The following PAGE1 variants were observed in gnomAD, a reference collection of about 807,000 sequenced individuals.
The protein encoded by PAGE1 is P antigen family member 1.
A neutral mutation model predicts 11.5 loss-of-function variants in PAGE1; 6 were observed. The ratio of observed to expected loss-of-function variants is 0.52; its 90% CI spans 0.29 to 1.03. The LOEUF is 1.03. PAGE1 is among the 50% of genes least tolerant of loss of function. PAGE1 has a pLI of 0.09. For synonymous variants in PAGE1, 42 were observed against 40.2 expected (o/e 1.05, Z -0.17); for missense variants, 120 against 110.2 (o/e 1.09, Z -0.40).
chrX:49,689,587 T>TACAC (rs1557141579), intron 4 of PAGE1, 44 bp from the exon 5 acceptor site: 4 of 50,333 alleles, frequency 7.9e-5, no homozygotes, highest in African/African-American at 5.7e-4. Context: ...TATATATATA[T>TACAC]ATATATATAT....
chrX:49,690,068 CACATATATATGTGTATATAT>C lies in PAGE1; in HGVS notation c.293-545_293-526del, dbSNP rs1203286124. ...ATATGTGTATATATGTGTATATACA[CACATATATATGTGTATATAT>C]GTGTATATATGTGTATATATACACA... On this transcript the variant is annotated intron_variant, in intron 4 of 5. Transcript: ENST00000376150. 1.3e-4 allele frequency among the ~76,000 whole-genome samples: 8 copies of C among 60,813 alleles called. 1 individual carries two copies. The highest frequency in any genetic ancestry group is 5.2e-4 in the African/African-American group (8 of 15,502). 52.8% of individuals were successfully genotyped at this position (60,813 alleles called of 115,157 possible).
intron 3 of PAGE1, among the ~76,000 whole-genome samples, chrX:49,692,489 T>A (rs2066923948): frequency 9.0e-6 from 1 of 111,506 alleles, no homozygotes; most frequent in Non-Finnish European, 1.9e-5. Flanking sequence ...TATTAACAAT[T>A]GGTGAATCTA....
At chrX:49,694,521 GA>G (rs781990429) in intron 2 of PAGE1, among the ~76,000 whole-genome samples, 186 bp downstream of exon 2, 1,514 of 105,758 alleles carry the variant, frequency 0.014, 27 homozygotes, top group African/African-American at 0.047. Context: ...GAACACAAGA[GA>G]AAAAAAAAAT....
At chrX:49,693,958 A>G (rs2066930062) in intron 3 of PAGE1, 141 bp downstream of exon 3, 4 of 369,072 alleles carry the variant, frequency 1.1e-5, no homozygotes, top group Non-Finnish European at 1.4e-5. Context: ...TTTTCCAGTC[A>G]ATTTCTAGGC....
intron 3 of PAGE1, among the ~76,000 whole-genome samples, chrX:49,692,407 G>A (rs1469160035): frequency 9.0e-6 from 1 of 111,253 alleles, no homozygotes; most frequent in East Asian, 2.8e-4. Flanking sequence ...ATATCCGTAA[G>A]TGTGTGTGTG....
Position 49,694,733 on chromosome X carries a change from G to T in PAGE1, c.38C>A (p.Pro13Gln). ...FLRRLIYRRR[P>Q]MIYVESSEES... ...CTCAGAAGATTCTACATAGATCATT[G>T]GTCTACGCCGATAGATTAATCTTCT... Residue 13 changes from proline to glutamine, a missense_variant, in exon 2 of 6, where the codon CCA (proline) becomes CAA (glutamine). Pro to Gln is a moderately conservative substitution (Grantham distance 76, BLOSUM62 -1). Transcript: ENST00000376150. The T allele has an allele frequency of 7.5e-6, 9 of 1,197,862 alleles. No individual in the cohort carries two copies. The highest frequency in any genetic ancestry group is 9.0e-6 in the Non-Finnish European group (8 of 884,822).
At chrX:49,692,195 AAATCTGAG>A (rs2147145982) in intron 3 of PAGE1, among the ~76,000 whole-genome samples, 1 of 111,533 alleles carries the variant, frequency 9.0e-6, no homozygotes, top group Admixed American at 9.6e-5. Context: ...ATAACTGGCA[AAATCTGAG>A]TATACTCTGT....
chrX:49,694,307 C>A (rs1432600885), intron 2 of PAGE1, 106 bp from the exon 3 acceptor site: 13 of 447,985 alleles, frequency 2.9e-5, no homozygotes, highest in South Asian at 1.1e-4. Context: ...ATAGATGTTT[C>A]TGATCATAAC....
chrX:49,691,203 G>A (rs1472001562), intron 4 of PAGE1, 46 bp downstream of exon 4: 3 of 1,181,524 alleles, frequency 2.5e-6, no homozygotes, highest in Non-Finnish European at 2.3e-6. Flanking sequence ...TTATAATACT[G>A]TGGAAACAGA....
chrX:49,694,407 C>T (rs1048435370), intron 2 of PAGE1, among the ~76,000 whole-genome samples: 4 of 111,318 alleles, frequency 3.6e-5, no homozygotes, highest in Non-Finnish European at 7.5e-5. Flanking sequence ...AAGTTACCCA[C>T]AAGGACTTTG....
intron 3 of PAGE1, among the ~76,000 whole-genome samples, chrX:49,692,471 G>A (rs1299076858): frequency 9.0e-6 from 1 of 111,455 alleles, no homozygotes; most frequent in Non-Finnish European, 1.9e-5. Context: ...AAACAATGGA[G>A]CAGAAGCTAT....
intron 4 of PAGE1, among the ~76,000 whole-genome samples, chrX:49,689,748 ATGTG>A (rs1557141745): frequency 1.6e-5 from 1 of 61,873 alleles, no homozygotes; most frequent in African/African-American, 7.1e-5. Flanking sequence ...ATATATGTAT[ATGTG>A]TATATATACA....
chrX:49,694,082 C>T lies in PAGE1; in HGVS notation c.166+17G>A. The stretch of plus-strand genomic sequence containing the variant: ...CACACACACCCCAACAGGCATTCTT[C>T]TTCCCTTTCCCTTCACCTTGAGCTG... On this transcript the variant is annotated intron_variant, in intron 3 of 5. Transcript: ENST00000376150. The T allele has an allele frequency of 2.0e-6, 2 of 1,004,031 alleles. No individual in the cohort carries two copies. Among genetic ancestry groups the T allele is most frequent in the Non-Finnish European group, 1.4e-6 (1 of 717,797 alleles). The allele number at this position is 1,004,031 out of a possible 1,213,427, so 82.7% of individuals were successfully genotyped here. A position where few individuals can be genotyped will look rare whatever the true frequency, so the allele number is the denominator to read the frequency against.
chrX:49,689,159 G>A (rs782252150), intron 5 of PAGE1, among the ~76,000 whole-genome samples: 1 of 109,489 alleles, frequency 9.1e-6, no homozygotes, highest in South Asian at 4.0e-4. Context: ...TATGCAAAAT[G>A]GCAAAACCTC....
intron 4 of PAGE1, among the ~76,000 whole-genome samples, chrX:49,690,019 A>G (rs1384590849): frequency 1.5e-5 from 1 of 66,840 alleles, no homozygotes; most frequent in Non-Finnish European, 2.7e-5. Flanking sequence ...ATATGTGTGT[A>G]TATACACACA....
chrX:49,694,066 C>CACACA lies in PAGE1; in HGVS notation c.166+32_166+33insTGTGT, dbSNP rs782179765. The CACACA allele has an allele frequency of 1.1e-4, 77 of 684,804 alleles. No homozygotes were observed. In the East Asian group the frequency reaches 2.8e-3, roughly 25 times the overall value. 56.4% of individuals were successfully genotyped at this position (684,804 alleles called of 1,213,427 possible). A position where few individuals can be genotyped will look rare whatever the true frequency, so the allele number is the denominator to read the frequency against. ...CACACACACACACACACACACACAC[C>CACACA]CCAACAGGCATTCTTCTTCCCTTTC... On this transcript the variant is annotated intron_variant, in intron 3 of 5. Coordinates refer to ENST00000376150, the MANE Select transcript of PAGE1 (RefSeq NM_003785.4).
intron 2 of PAGE1, 41 bp downstream of exon 2, chrX:49,694,667 C>T (rs782172718): frequency 2.7e-5 from 25 of 931,218 alleles, no homozygotes; most frequent in Non-Finnish European, 2.7e-5. Flanking sequence ...TAGAAAACAT[C>T]GAATTAACGT....
chrX:49,690,213 G>A (rs2066915306), intron 4 of PAGE1, among the ~76,000 whole-genome samples: 1 of 103,025 alleles, frequency 9.7e-6, no homozygotes, highest in Non-Finnish European at 2.0e-5. Context: ...CATGCTCTCA[G>A]TGTTATTAAA....
At chrX:49,692,492 T>A (rs2066923982) in intron 3 of PAGE1, among the ~76,000 whole-genome samples, 1 of 111,410 alleles carries the variant, frequency 9.0e-6, no homozygotes, top group South Asian at 3.8e-4. Flanking sequence ...TAACAATTGG[T>A]GAATCTAGGT....
Sources: gnomAD v4.1 joint callset for allele counts (sites outside exome capture counted in the v4.1 genomes callset) on GRCh38, gnomAD v4.1.1 for gene constraint, MANE v1.5 for transcripts, NCBI Gene and HGNC (gene_info 2026-07-23, HGNC 2026-07-21) for gene names.